LARS2: variants seen among roughly 807,000 people sequenced by gnomAD.
The protein encoded by LARS2 is leucyl-tRNA synthetase 2, mitochondrial.
In LARS2, 81 loss-of-function variants were observed where a neutral mutation model predicts 116.6. The ratio of observed to expected loss-of-function variants is 0.69; its 90% CI spans 0.58 to 0.84. The LOEUF is 0.84. Ranked by LOEUF, LARS2 falls within the 40% of genes least tolerant of loss-of-function variation. The pLI is 0.00. For missense variants in LARS2, 968 were observed against 1,114.5 expected, an observed-to-expected ratio of 0.87 and a Z score of 1.87; for synonymous variants, 396 against 407.2, an observed-to-expected ratio of 0.97 and a Z score of 0.33.
At chr3:45,503,493 G>A (rs1700151809) in intron 15 of LARS2, among the ~76,000 whole-genome samples, 1 of 152,036 alleles carries the variant, frequency 6.6e-6, no homozygotes, top group Non-Finnish European at 1.5e-5. Flanking sequence ...GGGTTCTATA[G>A]CTATGCCCAG....
intron 3 of LARS2, among the ~76,000 whole-genome samples, chr3:45,396,258 G>C (rs1698043062): frequency 6.6e-6 from 1 of 152,264 alleles, no homozygotes. Flanking sequence ...GAATGGCAAA[G>C]CAGAGTGAGC....
intron 8 of LARS2, among the ~76,000 whole-genome samples, chr3:45,465,180 T>G (rs1699399314): frequency 6.6e-6 from 1 of 152,216 alleles, no homozygotes; most frequent in East Asian, 1.9e-4. Flanking sequence ...GGATCTGGTT[T>G]TGACTCCCTG....
intron 1 of LARS2, among the ~76,000 whole-genome samples, chr3:45,390,147 ATTTCT>A (rs143722017): frequency 5.8e-4 from 88 of 151,450 alleles, no homozygotes; most frequent in Non-Finnish European, 1.0e-3. Flanking sequence ...AAAAATGCAT[ATTTCT>A]TTTCATTTGC....
intron 8 of LARS2, 66 bp from the exon 9 acceptor site, chr3:45,474,177 A>C: frequency 9.9e-7 from 1 of 1,005,970 alleles, no homozygotes; most frequent in Admixed American, 2.0e-5. Context: ...ACAAGCTGCA[A>C]ATCATTTGCT....
chr3:45,451,113 A>G (rs1297017258), intron 7 of LARS2, among the ~76,000 whole-genome samples: 3 of 152,036 alleles, frequency 2.0e-5, no homozygotes, highest in Non-Finnish European at 2.9e-5. Flanking sequence ...CCCTTGTCAG[A>G]TGAATAATTT....
At position 45,496,346 on chromosome 3, in the gene LARS2, G is replaced by A; in HGVS notation, c.1595G>A (p.Arg532Lys). The A allele has an allele frequency of 6.2e-7, 1 of 1,613,972 alleles. No individual in the cohort carries two copies. Among genetic ancestry groups the A allele is most frequent in the Non-Finnish European group, 8.5e-7 (1 of 1,179,838 alleles). Residue 532 changes from arginine to lysine, a missense_variant, in exon 14 of 22, where the codon AGA becomes AAA. Transcript: ENST00000645846. Reference protein sequence around the residue: ...TFVDSAWYYFRYTDPHNPHSP... With the variant: ...TFVDSAWYYFKYTDPHNPHSP... ...GTTGATTCTGCTTGGTACTACTTCAGATACACTGACCCTCATAATCCACAC... is the reference window on the plus strand; with the variant it reads ...GTTGATTCTGCTTGGTACTACTTCAAATACACTGACCCTCATAATCCACAC...
rs201194188 is a variant in LARS2 at position 45,514,673 on chromosome 3, G to A, written c.1862-1421G>A. ...TTTCAGTAGGGCCTGAAATGCAGCC[G>A]TTTCTCAAGCCATACATTTCAGGGC... On this transcript the variant is annotated intron_variant, in intron 16 of 21. Transcript: ENST00000645846. Among the ~76,000 whole-genome samples the A allele has an allele frequency of 1.1e-3, 163 of 152,312 alleles. 1 individual carries two copies. The East Asian group carries it at 0.029, about 27-fold the overall frequency.
intron 8 of LARS2, among the ~76,000 whole-genome samples, chr3:45,459,272 G>T (rs1699271320): frequency 6.6e-6 from 1 of 152,168 alleles, no homozygotes; most frequent in Admixed American, 6.5e-5. Flanking sequence ...CAGAAAGATA[G>T]AATGAAATCT....
intron 4 of LARS2, 32 bp from the exon 5 acceptor site, chr3:45,417,450 G>T: frequency 1.3e-6 from 2 of 1,496,920 alleles, no homozygotes; most frequent in Non-Finnish European, 1.9e-6. Context: ...TTAATGATTT[G>T]CCATGGTTGA....
intron 6 of LARS2, among the ~76,000 whole-genome samples, chr3:45,444,974 A>G (rs181223512): frequency 1.3e-5 from 2 of 152,224 alleles, no homozygotes; most frequent in East Asian, 3.9e-4. Context: ...ACTTTTCTAA[A>G]CCTCTAGTGG....
intron 6 of LARS2, among the ~76,000 whole-genome samples, chr3:45,425,256 C>A (rs1182628693): frequency 3.3e-5 from 5 of 152,108 alleles, no homozygotes; most frequent in Non-Finnish European, 2.9e-5. Context: ...GTTTTGGAAT[C>A]TTTTCTTAGG....
chr3:45,405,442 A>G (rs916355009), intron 4 of LARS2, among the ~76,000 whole-genome samples: 1 of 152,238 alleles, frequency 6.6e-6, no homozygotes, highest in African/African-American at 2.4e-5. Flanking sequence ...TTAAAAGCAT[A>G]CAACTCCTTT....
At position 45,516,128 on chromosome 3, in the gene LARS2, G is replaced by C. The variant is rs1307707679; in HGVS notation, c.1896G>C (p.Lys632Asn). Residue 632 changes from lysine (K) to asparagine (N), a missense_variant, in exon 17 of 22, where the codon AAG (lysine) becomes AAC (asparagine). Transcript: ENST00000645846. ...CTGTTCATGCAAAAACGAAAGAGAA[G>C]TTAGAGGTGACGTGGGAGAAGATGA... ...SVPVHAKTKE[K>N]LEVTWEKMSK... The C allele has an allele frequency of 6.2e-7, 1 of 1,614,178 alleles. No homozygotes were observed. Among genetic ancestry groups the C allele is most frequent in the South Asian group, 1.1e-5 (1 of 91,088 alleles).
chr3:45,418,067 C>A (rs1437762680), intron 5 of LARS2, among the ~76,000 whole-genome samples: 1 of 152,182 alleles, frequency 6.6e-6, no homozygotes, highest in Non-Finnish European at 1.5e-5. Context: ...TTCTCCAAGG[C>A]GGAACACACT....
chr3:45,485,550 C>T, intron 10 of LARS2, 142 bp from the exon 11 acceptor site: 7 of 533,612 alleles, frequency 1.3e-5, no homozygotes, highest in Admixed American at 3.0e-5. Context: ...CTATTAATAC[C>T]CTTCAAAGGA....
intron 16 of LARS2, among the ~76,000 whole-genome samples, chr3:45,514,377 T>A (rs1700339624): frequency 6.6e-6 from 1 of 152,048 alleles, no homozygotes; most frequent in Non-Finnish European, 1.5e-5. Context: ...CAGCCAAACA[T>A]TAGAGACAGG....
intron 17 of LARS2, among the ~76,000 whole-genome samples, chr3:45,517,149 T>C (rs1230461772): frequency 6.6e-6 from 1 of 152,176 alleles, no homozygotes; most frequent in Admixed American, 6.5e-5. Flanking sequence ...CTGGGGGGCT[T>C]GCAAAGCACA....
intron 14 of LARS2, among the ~76,000 whole-genome samples, chr3:45,499,060 G>A (rs1298174619): frequency 3.3e-5 from 5 of 152,178 alleles, no homozygotes; most frequent in African/African-American, 4.8e-5. Context: ...TGGGGAGGCC[G>A]AGGCAGGAAG....
chr3:45,522,138 A>G (rs1700465186), intron 19 of LARS2, among the ~76,000 whole-genome samples: 1 of 152,148 alleles, frequency 6.6e-6, no homozygotes, highest in Non-Finnish European at 1.5e-5. Flanking sequence ...ATTATTCCCC[A>G]TGCTATTGCA....
Sources: allele counts gnomAD v4.1 joint callset (sites outside exome capture counted in the v4.1 genomes callset), GRCh38; gene constraint gnomAD v4.1.1; transcripts MANE v1.5; gene names NCBI Gene and HGNC (gene_info 2026-07-23, HGNC 2026-07-21).